PDZD2: variants seen among roughly 807,000 people sequenced by gnomAD.
The protein encoded by PDZD2 is PDZ domain-containing protein 2.
PDZD2 carries 90 observed loss-of-function variants against 220.7 expected under a neutral mutation model. The ratio of observed to expected loss-of-function variants is 0.41; its 90% CI spans 0.34 to 0.49. The LOEUF (loss-of-function observed/expected upper bound fraction) is 0.49, where lower values mean the gene tolerates loss of function less well. Ranked by LOEUF, PDZD2 falls within the 20% of genes least tolerant of loss-of-function variation. PDZD2 has a pLI of 0.28. For synonymous variants in PDZD2, 1,375 were observed against 1,450.5 expected, an observed-to-expected ratio of 0.95 and a Z score of 1.18; for missense variants, 3,174 against 3,608.5, an observed-to-expected ratio of 0.88 and a Z score of 3.08.
At chr5:31,649,765 G>A (rs1472940003) in intron 1 of PDZD2, among the ~76,000 whole-genome samples, 1 of 151,476 alleles carries the variant, frequency 6.6e-6, no homozygotes, top group Admixed American at 6.6e-5. Flanking sequence ...TGGTGAAACC[G>A]CGTCTCTACT....
chr5:31,753,463 AGTGGCAC>A (rs1751128150), intron 1 of PDZD2, among the ~76,000 whole-genome samples: 1 of 152,174 alleles, frequency 6.6e-6, no homozygotes, highest in Non-Finnish European at 1.5e-5. Flanking sequence ...AGCTGGGCAT[AGTGGCAC>A]GCACCTGTAG....
At chr5:31,683,599 C>T (rs190191017) in intron 1 of PDZD2, among the ~76,000 whole-genome samples, 134 of 152,278 alleles carry the variant, frequency 8.8e-4, no homozygotes, top group African/African-American at 3.0e-3. Flanking sequence ...TAATTTTTCA[C>T]ATAACGTGCC....
At chr5:32,050,011 G>C (rs563012796) in intron 8 of PDZD2, among the ~76,000 whole-genome samples, 9 of 152,288 alleles carry the variant, frequency 5.9e-5, no homozygotes, top group African/African-American at 1.9e-4. Context: ...TTGGCTCACT[G>C]CAACCTCCAC....
intron 1 of PDZD2, among the ~76,000 whole-genome samples, chr5:31,763,286 C>T (rs192504686): frequency 9.2e-5 from 14 of 152,260 alleles, no homozygotes; most frequent in African/African-American, 2.4e-4. Flanking sequence ...CGGTATCAGG[C>T]GGTCAGGATG....
Position 32,009,455 on chromosome 5 carries a change from C to T in PDZD2, c.1255-875C>T, listed in dbSNP as rs112764950. The stretch of plus-strand genomic sequence containing the variant: ...CCAGCAGAGGATCTTGGGCCAGGTG[C>T]GGTGACTCACTCCTGTAATCCCAGC... On this transcript the variant is annotated intron_variant, in intron 5 of 24. Transcript: ENST00000438447. 4.6e-3 allele frequency among the ~76,000 whole-genome samples: 700 copies of T among 152,012 alleles called. 7 individuals carry two copies. Among genetic ancestry groups the T allele is most frequent in the East Asian group, 0.019 (99 of 5,148 alleles).
At chr5:31,681,205 T>G (rs1197302667) in intron 1 of PDZD2, among the ~76,000 whole-genome samples, 13 of 152,218 alleles carry the variant, frequency 8.5e-5, no homozygotes, top group Admixed American at 7.9e-4. Context: ...GGCTTATGAC[T>G]GTTGATTCAT....
chr5:31,930,476 G>T (rs1745182744), intron 2 of PDZD2, among the ~76,000 whole-genome samples: 1 of 152,080 alleles, frequency 6.6e-6, no homozygotes, highest in Non-Finnish European at 1.5e-5. Flanking sequence ...TGGGATTACA[G>T]GCGTGAGCCA....
chr5:32,063,355 CTCTT>C (rs1739875326), intron 14 of PDZD2, among the ~76,000 whole-genome samples: 1 of 152,144 alleles, frequency 6.6e-6, no homozygotes, highest in Admixed American at 6.6e-5. Context: ...TATTAAATGA[CTCTT>C]TCTTACTTAC....
intron 6 of PDZD2, among the ~76,000 whole-genome samples, chr5:32,027,964 T>C (rs1412930539): frequency 9.1e-6 from 1 of 109,392 alleles, no homozygotes; most frequent in Non-Finnish European, 2.2e-5. Flanking sequence ...CACTGTCCTA[T>C]GGACACTGAC....
intron 1 of PDZD2, among the ~76,000 whole-genome samples, chr5:31,694,012 AT>A (rs1747258010): frequency 6.6e-6 from 1 of 152,204 alleles, no homozygotes; most frequent in South Asian, 2.1e-4. Context: ...ACTGCCCAGG[AT>A]TGAATATTGT....
intron 1 of PDZD2, among the ~76,000 whole-genome samples, chr5:31,789,128 G>A (rs191611040): frequency 1.9e-4 from 29 of 152,264 alleles, no homozygotes; most frequent in Admixed American, 1.4e-3. Context: ...GGATGTCTGG[G>A]GCTGGTATAG....
At chr5:32,010,654 G>A in intron 6 of PDZD2, 172 bp downstream of exon 6, 1 of 706,294 alleles carries the variant, frequency 1.4e-6, no homozygotes, top group Non-Finnish European at 2.6e-6. Flanking sequence ...AATCTGTGAG[G>A]GTGATATTTT....
At chr5:31,918,959 G>A (rs969392694) in intron 2 of PDZD2, among the ~76,000 whole-genome samples, 1 of 152,206 alleles carries the variant, frequency 6.6e-6, no homozygotes, top group African/African-American at 2.4e-5. Flanking sequence ...GCTGACTTCT[G>A]AGTCTTTCAC....
At chr5:31,919,649 T>G (rs1318525209) in intron 2 of PDZD2, among the ~76,000 whole-genome samples, 1 of 148,358 alleles carries the variant, frequency 6.7e-6, no homozygotes, top group Non-Finnish European at 1.5e-5. Context: ...CCCGGCCGTC[T>G]CTCTCTTAAG....
chr5:32,093,186 C>T (rs947259938), intron 21 of PDZD2, among the ~76,000 whole-genome samples, 162 bp downstream of exon 21: 3 of 152,202 alleles, frequency 2.0e-5, no homozygotes, highest in African/African-American at 4.8e-5. Flanking sequence ...TTTGGCCTCA[C>T]GTGCTGCTAG....
intron 10 of PDZD2, among the ~76,000 whole-genome samples, chr5:32,055,538 A>AT (rs5867126): frequency 0.74 from 111,897 of 152,054 alleles, 41,349 homozygotes; most frequent in South Asian, 0.82. Context: ...ATGAATCCCG[A>AT]TTTTTTCCTC....
intron 23 of PDZD2, chr5:32,100,788 G>C (rs1308302388): frequency 3.6e-6 from 3 of 842,874 alleles, no homozygotes; most frequent in Admixed American, 2.2e-5. Context: ...CAGCCGGTGT[G>C]GGGGGCTTAA....
chr5:31,880,831 C>T (rs966548049), intron 2 of PDZD2, among the ~76,000 whole-genome samples: 2 of 92,144 alleles, frequency 2.2e-5, no homozygotes, highest in African/African-American at 8.4e-5. Flanking sequence ...GATGAAGTCT[C>T]GCTCTTGTCA....
chr5:31,700,208 AG>A (rs909255162), intron 1 of PDZD2, among the ~76,000 whole-genome samples: 2 of 152,158 alleles, frequency 1.3e-5, no homozygotes, highest in African/African-American at 4.8e-5. Context: ...TTAGGCCTAG[AG>A]GGAGTAGAAG....
Sources: allele counts gnomAD v4.1 joint callset (sites outside exome capture counted in the v4.1 genomes callset), GRCh38; gene constraint gnomAD v4.1.1; transcripts MANE v1.5; gene names NCBI Gene and HGNC (gene_info 2026-07-23, HGNC 2026-07-21).